Variants in RANBP2 observed in about 807,000 individuals in gnomAD.
The protein encoded by RANBP2 is RAN binding protein 2.
A neutral mutation model predicts 303.6 loss-of-function variants in RANBP2; 57 were observed. The observed-to-expected ratio is 0.19, with a 90% confidence interval of 0.15 to 0.23. RANBP2 has a LOEUF of 0.23. Ranked by LOEUF, RANBP2 falls within the 10% of genes least tolerant of loss-of-function variation. RANBP2 has a pLI of 1.00. For missense variants in RANBP2, 3,138 were observed against 3,780.8 expected, an observed-to-expected ratio of 0.83 and a Z score of 4.46; for synonymous variants, 1,167 against 1,301.5, an observed-to-expected ratio of 0.90 and a Z score of 2.23.
At chr2:109,593,105 G>A in the RANBP2 span, 6 of 1,599,746 alleles carry the variant, frequency 3.8e-6, no homozygotes, top group Admixed American at 6.9e-5. Context: ...TCGTTGCCAT[G>A]TGAGACTGAA....
At chr2:109,629,324 TA>T in the RANBP2 span, among the ~76,000 whole-genome samples, 55 of 8,332 alleles carry the variant, frequency 6.6e-3, 3 homozygotes, top group African/African-American at 0.029. Flanking sequence ...TATATATATA[TA>T]TATATATATA....
chr2:108,925,209 G>T, the RANBP2 span, among the ~76,000 whole-genome samples: 1 of 152,064 alleles, frequency 6.6e-6, no homozygotes, highest in South Asian at 2.1e-4. Context: ...TGGACCTTGT[G>T]CTAGGTACTA....
At chr2:109,339,237 C>G in the RANBP2 span, among the ~76,000 whole-genome samples, 41 of 144,220 alleles carry the variant, frequency 2.8e-4, no homozygotes, top group African/African-American at 1.0e-3. Flanking sequence ...TAAGTAGACC[C>G]TTGCAGTTTA....
At chr2:108,920,813 G>C in the RANBP2 span, among the ~76,000 whole-genome samples, 1 of 152,224 alleles carries the variant, frequency 6.6e-6, no homozygotes. Context: ...CTCATGATGT[G>C]CTTCTGGGAG....
the RANBP2 span, among the ~76,000 whole-genome samples, chr2:109,483,932 A>G: frequency 1.3e-5 from 2 of 152,156 alleles, no homozygotes; most frequent in East Asian, 3.9e-4. Flanking sequence ...ATGGCCTTCA[A>G]GCCCCCCACA....
At chr2:109,456,551 G>C in the RANBP2 span, among the ~76,000 whole-genome samples, 17 of 152,352 alleles carry the variant, frequency 1.1e-4, no homozygotes, top group East Asian at 5.8e-4. Context: ...AGCCTGGTCT[G>C]AGCAGAGGTC....
the RANBP2 span, among the ~76,000 whole-genome samples, chr2:109,425,547 C>T: frequency 6.6e-6 from 1 of 152,192 alleles, no homozygotes; most frequent in East Asian, 1.9e-4. Flanking sequence ...TGTTCATTTG[C>T]CATTCCGAGA....
chr2:109,440,072 C>G, the RANBP2 span, among the ~76,000 whole-genome samples: 2 of 152,154 alleles, frequency 1.3e-5, no homozygotes, highest in South Asian at 4.1e-4. Context: ...AGCAGAGGAA[C>G]CAGCATGAGC....
the RANBP2 span, among the ~76,000 whole-genome samples, chr2:109,513,471 A>ACATGTACACACACCG: frequency 5.4e-4 from 79 of 147,020 alleles, no homozygotes; most frequent in Non-Finnish European, 2.1e-4. Flanking sequence ...TAGACACTCC[A>ACATGTACACACACCG]CATGTACACA....
the RANBP2 span, among the ~76,000 whole-genome samples, chr2:108,918,844 T>C: frequency 6.6e-6 from 1 of 152,148 alleles, no homozygotes; most frequent in Admixed American, 6.5e-5. Context: ...GGTAAAAGAT[T>C]GCATTTTTAG....
the RANBP2 span, among the ~76,000 whole-genome samples, chr2:109,312,038 G>T: frequency 6.6e-6 from 1 of 152,124 alleles, no homozygotes; most frequent in South Asian, 2.1e-4. Flanking sequence ...CGTTGTGGCC[G>T]GTGTAGCAGT....
the RANBP2 span, among the ~76,000 whole-genome samples, chr2:108,792,688 C>T: frequency 1.3e-5 from 2 of 152,132 alleles, no homozygotes; most frequent in Non-Finnish European, 2.9e-5. Context: ...TCTCCGTTGT[C>T]TGTTCAAAAT....
chr2:109,725,116 A>G, the RANBP2 span, among the ~76,000 whole-genome samples: 7 of 152,192 alleles, frequency 4.6e-5, no homozygotes, highest in Non-Finnish European at 8.8e-5. Context: ...GGGATTCTGC[A>G]GTGACAGAAC....
chr2:109,503,406 TCCAGGTGGTCA>T, the RANBP2 span: 1 of 152,170 alleles, frequency 6.6e-6, no homozygotes, highest in South Asian at 2.1e-4. Context: ...ACTTGTTACT[TCCAGGTGGTCA>T]CCACACGGCG....
chr2:109,407,640 C>T, the RANBP2 span, among the ~76,000 whole-genome samples: 1 of 152,194 alleles, frequency 6.6e-6, no homozygotes, highest in Non-Finnish European at 1.5e-5. Flanking sequence ...AAGCTGCCTG[C>T]ATAGCAGAGC....
At chr2:109,678,045 A>G in the RANBP2 span, among the ~76,000 whole-genome samples, 2 of 152,162 alleles carry the variant, frequency 1.3e-5, no homozygotes, top group Non-Finnish European at 2.9e-5. Flanking sequence ...GTCGCACCCC[A>G]CCGCCTGTTG....
the RANBP2 span, among the ~76,000 whole-genome samples, chr2:109,295,912 A>G: frequency 6.6e-6 from 1 of 152,158 alleles, no homozygotes; most frequent in South Asian, 2.1e-4. Context: ...TTGAGGACAG[A>G]ACCCAGCCTC....
At chr2:108,720,933 C>A (rs62151247) in intron 1 of RANBP2, among the ~76,000 whole-genome samples, 603 of 152,242 alleles carry the variant, frequency 4.0e-3, no homozygotes, top group Non-Finnish European at 6.4e-3. Context: ...CCTGTAGTCC[C>A]AGCTACCCGG....
chr2:109,566,949 G>C, the RANBP2 span, among the ~76,000 whole-genome samples: 1 of 151,968 alleles, frequency 6.6e-6, no homozygotes, highest in Non-Finnish European at 1.5e-5. Context: ...TTGAGCACAA[G>C]AAATAAAATT....
Sources: gnomAD v4.1 joint callset for allele counts (sites outside exome capture counted in the v4.1 genomes callset) on GRCh38, gnomAD v4.1.1 for gene constraint, MANE v1.5 for transcripts, NCBI Gene and HGNC (gene_info 2026-07-23, HGNC 2026-07-21) for gene names.